The following PCDHA8 variants were observed in gnomAD, a reference collection of about 807,000 sequenced individuals.
The protein encoded by PCDHA8 is protocadherin alpha 8, also known as protocadherin alpha-8.
In PCDHA8, 53 loss-of-function variants were observed where a neutral mutation model predicts 61.8. The observed-to-expected ratio is 0.86, with a 90% CI of 0.69 to 1.08. PCDHA8 has a LOEUF of 1.08. Among genes scored for constraint, PCDHA8 ranks in the 50% least tolerant of loss-of-function variants. The pLI is 0.00. For missense variants in PCDHA8, 1,293 were observed against 1,245.0 expected, an observed-to-expected ratio of 1.04 and a Z score of -0.58; for synonymous variants, 618 against 556.6, an observed-to-expected ratio of 1.11 and a Z score of -1.55.
chr5:140,858,944 T>TA (rs2045667793), intron 1 of PCDHA8: 1 of 159,332 alleles, frequency 6.3e-6, no homozygotes, highest in Admixed American at 6.4e-5. Context: ...TGTTCAGTGA[T>TA]TACAGCTTTT....
chr5:140,856,312 G>C, intron 1 of PCDHA8: 1 of 1,598,632 alleles, frequency 6.3e-7, no homozygotes, highest in Non-Finnish European at 8.6e-7. Context: ...TGAATTCTCG[G>C]ATTGACCGCG....
chr5:140,851,631 T>C, intron 1 of PCDHA8: 1 of 919,266 alleles, frequency 1.1e-6, no homozygotes. Flanking sequence ...TTTAAACAAG[T>C]GTTTCCTTTC....
intron 1 of PCDHA8, chr5:140,868,630 T>G (rs1440809892): frequency 6.5e-6 from 1 of 154,578 alleles, no homozygotes; most frequent in Non-Finnish European, 1.4e-5. Context: ...CTGAATTCTC[T>G]TTCTCTCTCA....
At chr5:140,978,835 A>G in intron 1 of PCDHA8, 114 bp from the exon 2 acceptor site, 2 of 1,550,342 alleles carry the variant, frequency 1.3e-6, no homozygotes, top group Non-Finnish European at 1.7e-6. Flanking sequence ...TGGCTCATTC[A>G]ATACTTTTTT....
At chr5:140,969,087 T>C (rs146741684) in intron 1 of PCDHA8, 741 of 1,613,920 alleles carry the variant, frequency 4.6e-4, no homozygotes, top group Non-Finnish European at 5.8e-4. Flanking sequence ...GGCCTCAAAG[T>C]GCAGCCTCAC....
chr5:140,927,526 G>A, intron 1 of PCDHA8: 1 of 1,614,086 alleles, frequency 6.2e-7, no homozygotes, highest in South Asian at 1.1e-5. Flanking sequence ...CGGGCTACCT[G>A]CCCGCTCAGG....
In PCDHA8 at chr5:140,853,931, G is replaced by T. The variant is rs2042911351; in HGVS notation, c.2394+10216G>T. The T allele has an allele frequency of 3.5e-6, 3 of 868,826 alleles. No homozygotes were observed. The South Asian group carries it at 1.6e-4, about 45-fold the overall frequency. The allele number at this position is 868,826 out of a possible 1,614,324, so 53.8% of individuals were successfully genotyped here. A position where few individuals can be genotyped will look rare whatever the true frequency, so the allele number is the denominator to read the frequency against. ...CACCTGCAATCCCAACATTTTGGGA[G>T]GCCAAGGTGGGAGGGTCCCTTCCTT... On this transcript the variant is annotated intron_variant, in intron 1 of 3. Coordinates refer to ENST00000531613, the MANE Select transcript of PCDHA8 (RefSeq NM_018911.3).
intron 1 of PCDHA8, among the ~76,000 whole-genome samples, chr5:140,925,996 T>C (rs2082856637): frequency 6.6e-6 from 1 of 152,190 alleles, no homozygotes; most frequent in Non-Finnish European, 1.5e-5. Context: ...CTGGCTCCGC[T>C]GCCTCGAAAA....
rs782631991 is a variant in PCDHA8, at chr5:140,966,741, G to C, written c.2395-12208G>C. The C allele has an allele frequency of 7.5e-4, 1,063 of 1,421,208 alleles. 1 individual carries two copies. The highest frequency in any genetic ancestry group is 9.1e-4 in the Non-Finnish European group (995 of 1,093,108). The allele number at this position is 1,421,208 out of a possible 1,614,324, so 88.0% of individuals were successfully genotyped here. Reference sequence around the variant, plus strand: ...GAAGCTGCCGCCTCCGGCCCTGCCCGGCTGCCTCCGCCGCGGCCAGTGGCT... The same window carrying C: ...GAAGCTGCCGCCTCCGGCCCTGCCCCGCTGCCTCCGCCGCGGCCAGTGGCT... On this transcript the variant is annotated intron_variant, in intron 1 of 3. Transcript: ENST00000531613.
At chr5:140,982,688 ATACATACATGATTTCCT>A in intron 3 of PCDHA8, 125 bp downstream of exon 3, 1 of 1,415,764 alleles carries the variant, frequency 7.1e-7, no homozygotes, top group African/African-American at 1.4e-5. Flanking sequence ...CCTTTTTTCC[ATACATACATGATTTCCT>A]TACATATATG....
chr5:140,874,556 C>CAAAA (rs2054997993), intron 1 of PCDHA8, among the ~76,000 whole-genome samples: 1 of 152,178 alleles, frequency 6.6e-6, no homozygotes, highest in African/African-American at 2.4e-5. Flanking sequence ...AGAGATCTTT[C>CAAAA]GCATTTTAGT....
intron 1 of PCDHA8, chr5:140,871,695 T>A: frequency 1.0e-6 from 1 of 974,906 alleles, no homozygotes; most frequent in Non-Finnish European, 1.5e-6. Context: ...CTGGCTTCTT[T>A]AACCAATAAA....
intron 1 of PCDHA8, chr5:140,877,662 C>A (rs1176424464): frequency 1.9e-6 from 3 of 1,613,440 alleles, no homozygotes; most frequent in East Asian, 2.2e-5. Context: ...CCACCGTGAG[C>A]CGGTGCGCGC....
chr5:141,000,737 G>A (rs1449947824), intron 3 of PCDHA8, among the ~76,000 whole-genome samples: 21 of 149,738 alleles, frequency 1.4e-4, no homozygotes, highest in African/African-American at 5.0e-4. Context: ...CCCTATCTCT[G>A]TATATTAAAA....
intron 1 of PCDHA8, among the ~76,000 whole-genome samples, chr5:140,964,896 G>A (rs868917865): frequency 6.6e-6 from 1 of 152,170 alleles, no homozygotes. Context: ...TAGGAGGCTG[G>A]GCGCTTCTCT....
intron 1 of PCDHA8, among the ~76,000 whole-genome samples, chr5:140,921,440 G>A (rs1026829665): frequency 6.6e-6 from 1 of 152,056 alleles, no homozygotes; most frequent in Non-Finnish European, 1.5e-5. Flanking sequence ...CTTCAATGGT[G>A]TCTGAAAAGG....
At chr5:140,972,691 G>A (rs1213069719) in intron 1 of PCDHA8, among the ~76,000 whole-genome samples, 3 of 137,348 alleles carry the variant, frequency 2.2e-5, no homozygotes, top group Admixed American at 1.5e-4. Flanking sequence ...TTGAGATGGA[G>A]TCTCACTCTG....
At chr5:140,883,355 A>C (rs763058953) in intron 1 of PCDHA8, 36 of 1,613,958 alleles carry the variant, frequency 2.2e-5, no homozygotes, top group Non-Finnish European at 3.0e-5. Context: ...CAGAGAAGAC[A>C]CTCAGCCTAG....
In PCDHA8 at chr5:140,849,939, G is replaced by T; in HGVS notation, c.2394+6224G>T. On this transcript the variant is annotated intron_variant, in intron 1 of 3. Coordinates refer to ENST00000531613, the MANE Select transcript of PCDHA8 (RefSeq NM_018911.3). ...CATCTTCACGGTGTCTGCGCGGGAC[G>T]CTGACGCGCAGGAGAACGCCCTGGT... The T allele has an allele frequency of 6.3e-7, 1 of 1,598,036 alleles. No homozygotes were observed. The highest frequency in any genetic ancestry group is 8.6e-7 in the Non-Finnish European group (1 of 1,167,746).
Sources: gnomAD v4.1 joint callset for allele counts (sites outside exome capture counted in the v4.1 genomes callset) on GRCh38, gnomAD v4.1.1 for gene constraint, MANE v1.5 for transcripts, NCBI Gene and HGNC (gene_info 2026-07-23, HGNC 2026-07-21) for gene names.